ODR4: variants seen among roughly 807,000 people sequenced by gnomAD.
ODR4 encodes the protein odr-4 GPCR localization factor homolog.
In ODR4, 47 loss-of-function variants were observed where a neutral mutation model predicts 60.2. The observed-to-expected ratio is 0.78, with a 90% CI of 0.62 to 1.00. The LOEUF (loss-of-function observed/expected upper bound fraction) is 1.00, where lower values mean the gene tolerates loss of function less well. ODR4 is among the 50% of genes least tolerant of loss of function. ODR4 has a pLI of 0.00. For synonymous variants in ODR4, 178 were observed against 175.5 expected, an observed-to-expected ratio of 1.01 and a Z score of -0.11; for missense variants, 488 against 530.8, an observed-to-expected ratio of 0.92 and a Z score of 0.79.
Position 186,389,585 on chromosome 1 carries a change from A to G in ODR4, c.438-3A>G. On this transcript the variant is annotated splice_polypyrimidine_tract_variant and splice_region_variant and intron_variant, in intron 5 of 13. Coordinates refer to ENST00000287859, the MANE Select transcript of ODR4 (RefSeq NM_017847.6). ...TGGTTATTTCTGTCCTTAATTAGTG[A>G]AGAATATTTTGTCGAACTTATGATA... The G allele has an allele frequency of 6.5e-7, 1 of 1,538,222 alleles. No individual in the cohort carries two copies. Among genetic ancestry groups the G allele is most frequent in the Non-Finnish European group, 8.8e-7 (1 of 1,130,850 alleles).
downstream of ODR4, among the ~76,000 whole-genome samples, chr1:186,423,497 C>T (rs1661833736): frequency 7.0e-6 from 1 of 142,822 alleles, no homozygotes; most frequent in Non-Finnish European, 1.5e-5. Flanking sequence ...CTCTGTCACC[C>T]AGGTTGGAGT....
the ODR4 span, among the ~76,000 whole-genome samples, chr1:186,426,566 G>T: frequency 6.6e-6 from 1 of 152,124 alleles, no homozygotes; most frequent in African/African-American, 2.4e-5. Flanking sequence ...TCAAGGCCTG[G>T]TCTTCTCAGA....
intron 6 of ODR4, among the ~76,000 whole-genome samples, chr1:186,390,427 T>A (rs1660419133): frequency 6.6e-6 from 1 of 152,140 alleles, no homozygotes. Flanking sequence ...AGCTAGAGGA[T>A]CAAAGGACCT....
intron 11 of ODR4, chr1:186,401,241 T>C: frequency 7.2e-7 from 1 of 1,379,532 alleles, no homozygotes; most frequent in Non-Finnish European, 1.0e-6. Flanking sequence ...GTACTGTTTG[T>C]ATGTTAAACT....
At chr1:186,401,136 A>G (rs1331840620) in intron 11 of ODR4, 1 of 1,596,188 alleles carries the variant, frequency 6.3e-7, no homozygotes, top group Non-Finnish European at 8.6e-7. Context: ...TAAAAGTGGT[A>G]TTATATGGCT....
chr1:186,396,232 A>T (rs1558076073), intron 9 of ODR4, among the ~76,000 whole-genome samples: 1 of 152,180 alleles, frequency 6.6e-6, no homozygotes, highest in Non-Finnish European at 1.5e-5. Flanking sequence ...CTAAGTCCAA[A>T]TAACCAAGAG....
rs771788961 is a variant in ODR4, at chr1:186,398,465, A to G, written c.909+24A>G. On this transcript the variant is annotated intron_variant, in intron 10 of 13. Transcript: ENST00000287859. ...AGGTACAAAAAGGAATAACGAGCAT[A>G]TGGAACCATGTTAACTATTAACAAA... 21 of 1,579,280 alleles carry G rather than the reference A, an allele frequency of 1.3e-5. No homozygotes were observed. In the South Asian group the frequency reaches 2.0e-4, roughly 15 times the overall value.
downstream of ODR4, among the ~76,000 whole-genome samples, chr1:186,424,509 T>G (rs916249627): frequency 6.6e-6 from 1 of 152,130 alleles, no homozygotes; most frequent in Non-Finnish European, 1.5e-5. Flanking sequence ...AAATTTTGGG[T>G]GGGGTTGTCT....
At chr1:186,391,650 A>G in intron 7 of ODR4, 46 bp from the exon 8 acceptor site, 2 of 1,197,602 alleles carry the variant, frequency 1.7e-6, no homozygotes, top group Non-Finnish European at 2.4e-6. Flanking sequence ...AGTTTAATTG[A>G]GATGGCATTG....
In ODR4 at chr1:186,379,637, A is replaced by G. The variant is rs1006857783; in HGVS notation, c.-19-130A>G. On this transcript the variant is annotated intron_variant, in intron 1 of 13. Transcript: ENST00000287859. ...TTTGCAAGAAGGAATACACTATGTA[A>G]TAAGTATTTGCTGCAAGGCATGAGA... The G allele has an allele frequency of 5.1e-5, 27 of 524,852 alleles. 1 individual carries two copies. In the East Asian group the frequency reaches 8.5e-4, roughly 17 times the overall value. 32.5% of individuals were successfully genotyped at this position (524,852 alleles called of 1,614,324 possible).
chr1:186,395,646 G>A lies in ODR4; in HGVS notation c.780+1631G>A, dbSNP rs79465271. Among the ~76,000 whole-genome samples the A allele has an allele frequency of 1.5e-3, 223 of 152,126 alleles. 1 individual carries two copies. The highest frequency in any genetic ancestry group is 5.1e-3 in the African/African-American group (213 of 41,520). On this transcript the variant is annotated intron_variant, in intron 9 of 13. Coordinates refer to ENST00000287859, the MANE Select transcript of ODR4 (RefSeq NM_017847.6). ...AAACTAGCACAAGTAGCCCTTAACT[G>A]GTCTCTCTTCATCTATACATTCTTG... is the stretch of plus-strand genomic sequence containing the variant.
At chr1:186,428,747 G>GT in the ODR4 span, among the ~76,000 whole-genome samples, 1 of 152,230 alleles carries the variant, frequency 6.6e-6, no homozygotes, top group South Asian at 2.1e-4. Context: ...CCATTGTAGG[G>GT]TTATCAACTG....
At chr1:186,384,405 T>C (rs900170942) in intron 3 of ODR4, among the ~76,000 whole-genome samples, 3 of 152,122 alleles carry the variant, frequency 2.0e-5, no homozygotes, top group Admixed American at 2.0e-4. Context: ...CCCAAACACC[T>C]TCCATTAGGC....
the ODR4 span, among the ~76,000 whole-genome samples, chr1:186,432,095 C>A: frequency 6.6e-6 from 1 of 152,090 alleles, no homozygotes; most frequent in Admixed American, 6.6e-5. Flanking sequence ...TTGGTAGCTT[C>A]TCATATATGG....
chr1:186,429,765 C>T, the ODR4 span, among the ~76,000 whole-genome samples: 1 of 152,094 alleles, frequency 6.6e-6, no homozygotes, highest in Non-Finnish European at 1.5e-5. Context: ...AAAGATTTGT[C>T]TAAATATAAA....
At chr1:186,383,847 G>A (rs570713892) in intron 3 of ODR4, among the ~76,000 whole-genome samples, 9 of 152,050 alleles carry the variant, frequency 5.9e-5, no homozygotes, top group Admixed American at 1.3e-4. Context: ...AGACCAGCCT[G>A]GCCAACATGG....
intron 12 of ODR4, among the ~76,000 whole-genome samples, chr1:186,407,008 G>A (rs1661198471): frequency 6.6e-6 from 1 of 152,142 alleles, no homozygotes; most frequent in Non-Finnish European, 1.5e-5. Flanking sequence ...GATTCAGAGT[G>A]TGCTTGAGAT....
chr1:186,388,218 A>G (rs1660324196), intron 4 of ODR4, among the ~76,000 whole-genome samples: 1 of 152,218 alleles, frequency 6.6e-6, no homozygotes, highest in African/African-American at 2.4e-5. Context: ...ATGGTGGCAC[A>G]CACCTGTAGT....
the ODR4 span, among the ~76,000 whole-genome samples, chr1:186,434,621 G>A: frequency 6.6e-6 from 1 of 152,032 alleles, no homozygotes; most frequent in Non-Finnish European, 1.5e-5. Context: ...CTTGAAGAAG[G>A]GAAAAAATAA....
Sources: allele counts gnomAD v4.1 joint callset (sites outside exome capture counted in the v4.1 genomes callset), GRCh38; gene constraint gnomAD v4.1.1; transcripts MANE v1.5; gene names NCBI Gene and HGNC (gene_info 2026-07-23, HGNC 2026-07-21).